SPRED3: variants seen among roughly 807,000 people sequenced by gnomAD.
SPRED3 encodes sprouty-related, EVH1 domain-containing protein 3.
A neutral mutation model predicts 37.6 loss-of-function variants in SPRED3; 23 were observed. That is an observed-to-expected ratio of 0.61 (90% CI 0.44 to 0.87). SPRED3 has a LOEUF of 0.87. SPRED3 is among the 40% of genes least tolerant of loss of function. The pLI, the probability that SPRED3 is intolerant of heterozygous loss-of-function variation, is 0.00. For missense variants in SPRED3, 584 were observed against 618.6 expected (o/e 0.94, Z 0.59); for synonymous variants, 302 against 279.6 (o/e 1.08, Z -0.80).
rs138192830 is a variant in SPRED3, at chr19:38,395,429, T to G, written c.568-51T>G. The G allele has an allele frequency of 1.8e-5, 25 of 1,373,818 alleles. No individual in the cohort carries two copies. Among genetic ancestry groups the G allele is most frequent in the Non-Finnish European group, 2.4e-5 (25 of 1,056,998 alleles). 85.1% of individuals were successfully genotyped at this position (1,373,818 alleles called of 1,614,324 possible). On this transcript the variant is annotated intron_variant, in intron 5 of 5. Coordinates refer to ENST00000691638, the MANE Select transcript of SPRED3 (RefSeq NM_001394336.1). The surrounding 1 kb of genome is among the most constrained non-coding windows in gnomAD (Gnocchi z 5.2). ...AGAGTGCGCTAGGGAACTGGATCCT[T>G]GAGGCTAAGACTGGGATGGATTCTG...
Position 38,395,552 on chromosome 19 carries a change from G to T in SPRED3, c.640G>T (p.Gly214Trp), listed in dbSNP as rs771562366. Residue 214 changes from glycine (G) to tryptophan (W), a missense_variant, in exon 6 of 6, where the codon GGG (glycine) becomes TGG (tryptophan). Gly to Trp is a radical substitution (Grantham distance 184, BLOSUM62 -2). Coordinates refer to ENST00000691638, the MANE Select transcript of SPRED3 (RefSeq NM_001394336.1). This position sits in a 1 kb window ranked among gnomAD's most constrained non-coding sequence, Gnocchi z 5.2. The part of the protein sequence containing the change: ...SEPLAGAGGL[G>W]WGGRGYEDYR... ...GCCCCTGGCAGGGGCAGGGGGCCTG[G>T]GGTGGGGCGGCCGCGGCTACGAGGA... 6.4e-7 allele frequency: 1 copy of T among 1,555,396 alleles called. No homozygotes were observed. Among genetic ancestry groups the T allele is most frequent in the Non-Finnish European group, 8.7e-7 (1 of 1,153,438 alleles).
At position 38,394,714 on chromosome 19, in the gene SPRED3, C is replaced by T. The variant is rs529475163; in HGVS notation, c.495C>T (p.Pro165=). The change falls in exon 5 of 6, where the codon CCC becomes CCT. Residue 165 remains proline (P), a synonymous_variant. Transcript: ENST00000691638. The part of the protein sequence containing the change: ...QETPPSAAAA[P]IITMESASGF... Reference sequence around the variant, plus strand: ...CTCCTCCCAGCGCCGCTGCGGCCCCCATCATCACGATGGAGTCAGCTTCAG... The same window carrying T: ...CTCCTCCCAGCGCCGCTGCGGCCCCTATCATCACGATGGAGTCAGCTTCAG... 1.1e-5 allele frequency: 17 copies of T among 1,594,260 alleles called. No homozygotes were observed. The African/African-American group carries it at 2.0e-4, about 19-fold the overall frequency.
rs1279051288 is a variant in SPRED3, at chr19:38,395,351, G to A, written c.568-129G>A. ...TCCCTGGAGAAAAGTGGGGATTGAG[G>A]GACCTTGGGAGAGAAGCAAGCTGGG... On this transcript the variant is annotated intron_variant, in intron 5 of 5. Transcript: ENST00000691638. This position sits in a 1 kb window ranked among gnomAD's most constrained non-coding sequence, Gnocchi z 5.2. The A allele has an allele frequency of 5.4e-5, 48 of 883,906 alleles. No homozygotes were observed. In the East Asian group the frequency reaches 1.5e-3, roughly 28 times the overall value. The allele number at this position is 883,906 out of a possible 1,614,324, so 54.8% of individuals were successfully genotyped here.
rs954832267 is a variant in SPRED3, at chr19:38,395,032, G to A, written c.567+246G>A. Among the ~76,000 whole-genome samples the A allele has an allele frequency of 1.6e-4, 25 of 152,168 alleles. No homozygotes were observed. The highest frequency in any genetic ancestry group is 3.5e-4 in the Non-Finnish European group (24 of 68,022). ...GCTCTTGGAGATTTTGAGGGGTTTC[G>A]AAGTCCAGAGAGGTTTAGGACCATT... On this transcript the variant is annotated intron_variant, in intron 5 of 5. Coordinates refer to ENST00000691638, the MANE Select transcript of SPRED3 (RefSeq NM_001394336.1). This position sits in a 1 kb window ranked among gnomAD's most constrained non-coding sequence, Gnocchi z 5.2.
Position 38,390,487 on chromosome 19 carries a change from A to G in SPRED3, c.177+8A>G, listed in dbSNP as rs76793936. 1.8e-4 allele frequency: 243 copies of G among 1,316,622 alleles called. No homozygotes were observed. The East Asian group carries it at 6.3e-3, about 34-fold the overall frequency. 81.6% of individuals were successfully genotyped at this position (1,316,622 alleles called of 1,614,324 possible). On this transcript the variant is annotated splice_region_variant and intron_variant, in intron 2 of 5. Transcript: ENST00000691638. ...CGCCTCCGGGACCAGAAAGTGAGCCACCCTGGGGCATGCGGGGAGGGTAGG... is the reference window on the plus strand; with the variant it reads ...CGCCTCCGGGACCAGAAAGTGAGCCGCCCTGGGGCATGCGGGGAGGGTAGG...
chr19:38,393,159 TG>T (rs1416565913), intron 4 of SPRED3, among the ~76,000 whole-genome samples: 1 of 152,170 alleles, frequency 6.6e-6, no homozygotes, highest in Non-Finnish European at 1.5e-5. Context: ...GATTTCCTTG[TG>T]GCTCATTCCC....
intron 1 of SPRED3, 143 bp from the exon 2 acceptor site, chr19:38,390,156 G>A (rs751081559): frequency 1.9e-5 from 13 of 691,584 alleles, no homozygotes; most frequent in Non-Finnish European, 2.5e-5. Context: ...GTTGAAGGTG[G>A]GTATTGCTAG....
Position 38,396,086 on chromosome 19 carries a change from G to T in SPRED3, c.1174G>T (p.Val392Phe). 7.6e-7 allele frequency: 1 copy of T among 1,320,166 alleles called. No homozygotes were observed. The highest frequency in any genetic ancestry group is 9.6e-7 in the Non-Finnish European group (1 of 1,037,706). The allele number at this position is 1,320,166 out of a possible 1,614,324, so 81.8% of individuals were successfully genotyped here. The change falls in exon 6 of 6, where the codon GTC (valine) becomes TTC (phenylalanine). Residue 392 changes from valine (V) to phenylalanine (F), a missense_variant. Transcript: ENST00000691638. ...CGCGCCCCTGCGCGCGTGCCACTGG[G>T]TCGCAGCGCGATGCGGCTGCGCCGG... ...CYAPLRACHWVAARCGCAGCG... is the reference protein window; with the variant it reads ...CYAPLRACHWFAARCGCAGCG...
intron 5 of SPRED3, 103 bp downstream of exon 5, chr19:38,394,889 A>T (rs1001012869): frequency 7.2e-7 from 1 of 1,385,050 alleles, no homozygotes; most frequent in African/African-American, 1.5e-5. Flanking sequence ...CACAGATTCC[A>T]GGGGATGGCT....
In SPRED3 at chr19:38,396,064, GC is replaced by G; in HGVS notation, c.1156del (p.Leu386CysfsTer41). The part of the protein sequence containing the change: ...LAVPCLCCYA[P>X]LRACHWVAAR... The stretch of plus-strand genomic sequence containing the variant: ...CAGTGCCCTGCCTCTGCTGCTACGC[GC>G]CCCTGCGCGCGTGCCACTGGGTCGC... On this transcript the variant is annotated frameshift_variant, in exon 6 of 6. Coordinates refer to ENST00000691638, the MANE Select transcript of SPRED3 (RefSeq NM_001394336.1). LOFTEE classifies it high-confidence loss of function. 3 of 1,347,622 alleles carry G rather than the reference GC, an allele frequency of 2.2e-6. No homozygotes were observed. The highest frequency in any genetic ancestry group is 3.8e-5 in the South Asian group (2 of 53,276). 83.5% of individuals were successfully genotyped at this position (1,347,622 alleles called of 1,614,324 possible).
At chr19:38,391,831 G>A (rs751687949) in intron 2 of SPRED3, 115 bp from the exon 3 acceptor site, 121 of 1,225,086 alleles carry the variant, frequency 9.9e-5, no homozygotes, top group Admixed American at 1.5e-4. Flanking sequence ...ACTTAGGGTT[G>A]GGAAATGAGG....
In SPRED3 at chr19:38,390,446, C is replaced by T. The variant is rs912063370; in HGVS notation, c.144C>T (p.Tyr48=). ...RPEGGARQGH[Y]VIHGERLRDQ... is the part of the protein sequence containing the mutation. ...AGGGGGGGGCCCGCCAGGGGCACTA[C>T]GTCATCCACGGGGAACGCCTCCGGG... Residue 48 remains tyrosine (Y), a synonymous_variant, in exon 2 of 6, where the codon TAC becomes TAT. Transcript: ENST00000691638. The T allele has an allele frequency of 7.9e-6, 11 of 1,394,586 alleles. No homozygotes were observed. Among genetic ancestry groups the T allele is most frequent in the South Asian group, 1.8e-5 (1 of 55,370 alleles). The allele number at this position is 1,394,586 out of a possible 1,614,324, so 86.4% of individuals were successfully genotyped here.
Position 38,395,990 on chromosome 19 carries a change from C to A in SPRED3, c.1078C>A (p.His360Asn). Residue 360 changes from histidine (H) to asparagine (N), a missense_variant, in exon 6 of 6, where the codon CAC becomes AAC. His to Asn is a moderately conservative substitution (Grantham distance 68). Around this residue, in one of 7 missense-constraint regions of SPRED3, gnomAD observed 85 missense variants for 117.8 expected, o/e 0.72. Transcript: ENST00000691638. This position sits in a 1 kb window ranked among gnomAD's most constrained non-coding sequence, Gnocchi z 5.2. Reference protein sequence around the residue: ...FSDPCACEPGHPRPAARWAAL... With the variant: ...FSDPCACEPGNPRPAARWAAL... Reference sequence around the variant, plus strand: ...GGACCCGTGCGCCTGCGAGCCGGGCCACCCGCGCCCCGCCGCGCGCTGGGC... The same window carrying A: ...GGACCCGTGCGCCTGCGAGCCGGGCAACCCGCGCCCCGCCGCGCGCTGGGC... 7.0e-7 allele frequency: 1 copy of A among 1,434,848 alleles called. No homozygotes were observed. Among genetic ancestry groups the A allele is most frequent in the Non-Finnish European group, 9.1e-7 (1 of 1,099,438 alleles). 88.9% of individuals were successfully genotyped at this position (1,434,848 alleles called of 1,614,324 possible).
intron 4 of SPRED3, 79 bp from the exon 5 acceptor site, chr19:38,394,564 C>G (rs1600517038): frequency 1.3e-6 from 2 of 1,551,048 alleles, no homozygotes; most frequent in Non-Finnish European, 1.7e-6. Context: ...AGCCCTCGCT[C>G]TCAATGGGAG....
At chr19:38,394,377 G>A in intron 4 of SPRED3, 1 of 1,588,020 alleles carries the variant, frequency 6.3e-7, no homozygotes, top group South Asian at 1.1e-5. Flanking sequence ...CAGTACTTCA[G>A]GCATATGCTG....
chr19:38,394,864 C>T (rs564571880), intron 5 of SPRED3, 78 bp downstream of exon 5: 52 of 1,437,082 alleles, frequency 3.6e-5, no homozygotes, highest in Non-Finnish European at 4.7e-5. Flanking sequence ...AGCCATGGCC[C>T]GGGGAGGTGG....
In SPRED3 at chr19:38,394,438, A is replaced by T. The variant is rs533991674; in HGVS notation, c.424-205A>T. On this transcript the variant is annotated intron_variant, in intron 4 of 5. Transcript: ENST00000691638. Reference sequence around the variant, plus strand: ...ATCCTTATGAATAGGTACTCTTAGGATCCCCGTTTTACAGAGGAGGAAACT... The same window carrying T: ...ATCCTTATGAATAGGTACTCTTAGGTTCCCCGTTTTACAGAGGAGGAAACT... 61 of 1,509,434 alleles carry T rather than the reference A, an allele frequency of 4.0e-5. 1 individual carries two copies. The South Asian group carries it at 6.6e-4, about 16-fold the overall frequency. 93.5% of individuals were successfully genotyped at this position (1,509,434 alleles called of 1,614,324 possible).
rs1489341908 is a variant in SPRED3, at chr19:38,396,673, C to T, written c.*528C>T. The T allele has an allele frequency of 2.6e-5, 4 of 152,176 alleles. No homozygotes were observed. In the East Asian group the frequency reaches 5.8e-4, roughly 22 times the overall value. The allele number at this position is 152,176 out of a possible 1,614,324, so 9.4% of individuals were successfully genotyped here. Reference sequence around the variant, plus strand: ...ATTCACCTAAGACCTGGTGCCCCCACATCTGAGACATTCTCATAGTCCCAG... The same window carrying T: ...ATTCACCTAAGACCTGGTGCCCCCATATCTGAGACATTCTCATAGTCCCAG... On this transcript the variant is annotated 3_prime_UTR_variant, in exon 6 of 6. Transcript: ENST00000691638.
At chr19:38,390,814 C>T (rs185104733) in intron 2 of SPRED3, among the ~76,000 whole-genome samples, 12 of 136,520 alleles carry the variant, frequency 8.8e-5, no homozygotes, top group Non-Finnish European at 1.2e-4. Context: ...CTGCTCAAAA[C>T]CCTCCATCTT....
Sources: gnomAD v4.1 joint callset for allele counts (sites outside exome capture counted in the v4.1 genomes callset) on GRCh38, gnomAD v4.1.1 for gene constraint, gnomAD v4.1.1 regional missense constraint, Gnocchi (gnomAD v3.1) non-coding constraint, MANE v1.5 for transcripts, NCBI Gene and HGNC (gene_info 2026-07-23, HGNC 2026-07-21) for gene names.